TJP1: variants seen among roughly 807,000 people sequenced by gnomAD.
TJP1 encodes the protein tight junction protein 1.
A neutral mutation model predicts 194.2 loss-of-function variants in TJP1; 43 were observed. The observed-to-expected ratio is 0.22, with a 90% CI of 0.17 to 0.29. TJP1 has a LOEUF of 0.29. TJP1 is among the 10% of genes least tolerant of loss of function. TJP1 has a pLI of 1.00. For synonymous variants in TJP1, 801 were observed against 779.0 expected, an observed-to-expected ratio of 1.03 and a Z score of -0.47; for missense variants, 1,971 against 2,185.7, an observed-to-expected ratio of 0.90 and a Z score of 1.96.
intron 8 of TJP1, among the ~76,000 whole-genome samples, chr15:29,757,283 G>A (rs2045703177): frequency 6.6e-6 from 1 of 152,080 alleles, no homozygotes; most frequent in African/African-American, 2.4e-5. Context: ...AAGAGAACAG[G>A]GCAGGGCTGA....
chr15:29,912,242 C>G lies in TJP1; in HGVS notation c.306+43990G>C, dbSNP rs1596243343. ...ACGGCCTAATCACCTCCCAAAGGTC[C>G]TACCGCCTAATACCATGGCACCGGG... On this transcript the variant is annotated intron_variant, in intron 2 of 28. Transcript: ENST00000356107. Among the ~76,000 whole-genome samples, 3 of 152,220 alleles carry G rather than the reference C, an allele frequency of 2.0e-5. No individual in the cohort carries two copies. The East Asian group carries it at 5.8e-4, about 29-fold the overall frequency.
At chr15:29,732,334 G>T in intron 15 of TJP1, 99 bp downstream of exon 15, 1 of 1,087,714 alleles carries the variant, frequency 9.2e-7, no homozygotes, top group Non-Finnish European at 1.3e-6. Flanking sequence ...ATTTTTCACT[G>T]ACAAAAAGTC....
intron 2 of TJP1, among the ~76,000 whole-genome samples, chr15:29,856,411 C>T (rs1337570258): frequency 6.6e-6 from 1 of 152,032 alleles, no homozygotes; most frequent in Non-Finnish European, 1.5e-5. Context: ...ATCCGTGAGA[C>T]AGAAAGTAGA....
At chr15:29,782,234 A>G (rs924580967) in intron 2 of TJP1, among the ~76,000 whole-genome samples, 3 of 152,190 alleles carry the variant, frequency 2.0e-5, no homozygotes, top group African/African-American at 7.2e-5. Flanking sequence ...GAGCTCAAAA[A>G]GCCAAGACAA....
Position 29,716,643 on chromosome 15 carries a change from C to T in TJP1, c.4170G>A (p.Gln1390=). Residue 1390 remains glutamine, a synonymous_variant, in exon 23 of 28, where the codon CAG becomes CAA. Transcript: ENST00000614355. ...AATAACTAGAAAAATTTGATTGATT[C>T]TGAGAATGCGCTGGCTTTGCAGGCT... ...LSEPAKPAHS[Q]NQSNFSSYSS... is the part of the protein sequence containing the mutation. 2 of 1,613,410 alleles carry T rather than the reference C, an allele frequency of 1.2e-6. No homozygotes were observed. Among genetic ancestry groups the T allele is most frequent in the Non-Finnish European group, 1.7e-6 (2 of 1,179,518 alleles).
intron 2 of TJP1, among the ~76,000 whole-genome samples, chr15:29,798,994 T>A (rs1354288380): frequency 6.6e-6 from 1 of 152,220 alleles, no homozygotes; most frequent in East Asian, 1.9e-4. Flanking sequence ...TAAGTGGACG[T>A]GAGGGGACCG....
At chr15:29,893,482 AAG>A (rs2053379698) in intron 2 of TJP1, among the ~76,000 whole-genome samples, 1 of 152,180 alleles carries the variant, frequency 6.6e-6, no homozygotes. Flanking sequence ...TCTTTCATGA[AAG>A]AGAGTCCATC....
At chr15:29,848,527 C>T (rs1228794990) in intron 2 of TJP1, among the ~76,000 whole-genome samples, 1 of 152,118 alleles carries the variant, frequency 6.6e-6, no homozygotes, top group African/African-American at 2.4e-5. Context: ...AGGAAGTTGA[C>T]TAGAGACAAA....
At chr15:29,721,273 G>A (rs1360806446) in intron 18 of TJP1, among the ~76,000 whole-genome samples, 1 of 152,172 alleles carries the variant, frequency 6.6e-6, no homozygotes, top group East Asian at 1.9e-4. Context: ...GGTGGGAGGT[G>A]ACTGGATCAT....
intron 2 of TJP1, among the ~76,000 whole-genome samples, chr15:29,796,354 A>C (rs1274130195): frequency 6.6e-6 from 1 of 151,448 alleles, no homozygotes; most frequent in Non-Finnish European, 1.5e-5. Context: ...AAAAAAAACA[A>C]AAAAAAACCT....
At chr15:29,706,054 C>T (rs1450805313) in intron 25 of TJP1, among the ~76,000 whole-genome samples, 2 of 152,150 alleles carry the variant, frequency 1.3e-5, no homozygotes, top group Non-Finnish European at 2.9e-5. Flanking sequence ...GCCTCAGCCT[C>T]CCATGTAGCT....
chr15:29,724,349 AGCT>A (rs2043117702), intron 18 of TJP1, among the ~76,000 whole-genome samples: 1 of 152,212 alleles, frequency 6.6e-6, no homozygotes, highest in Admixed American at 6.5e-5. Context: ...ACTCGGTAAC[AGCT>A]GTTGCAGAAG....
chr15:29,797,123 T>C (rs2048463960), intron 2 of TJP1, among the ~76,000 whole-genome samples: 1 of 152,130 alleles, frequency 6.6e-6, no homozygotes, highest in South Asian at 2.1e-4. Flanking sequence ...AAGGCAAAAA[T>C]TAACAAACTG....
At chr15:29,949,992 C>CTT in intron 2 of TJP1, among the ~76,000 whole-genome samples, 1 of 66,104 alleles carries the variant, frequency 1.5e-5, no homozygotes, top group Non-Finnish European at 2.7e-5. Flanking sequence ...ACCACCTCCA[C>CTT]CACCACCACC....
At chr15:29,876,535 T>A (rs911045670) in intron 2 of TJP1, among the ~76,000 whole-genome samples, 40 of 147,002 alleles carry the variant, frequency 2.7e-4, no homozygotes, top group Non-Finnish European at 4.7e-4. Flanking sequence ...AAAAAAAAAA[T>A]ATGAGATTTT....
intron 5 of TJP1, among the ~76,000 whole-genome samples, chr15:29,764,306 G>C (rs1274524079): frequency 6.6e-6 from 1 of 152,122 alleles, no homozygotes; most frequent in Non-Finnish European, 1.5e-5. Context: ...TGGGGGAGGG[G>C]ATGCATGGGG....
intron 8 of TJP1, among the ~76,000 whole-genome samples, chr15:29,755,380 C>T (rs949228938): frequency 1.3e-5 from 2 of 152,230 alleles, no homozygotes; most frequent in Non-Finnish European, 2.9e-5. Context: ...TCTTGGAAAA[C>T]TCCTAATATG....
At chr15:29,819,194 TTTGA>T (rs1448768150) in intron 1 of TJP1, among the ~76,000 whole-genome samples, 2 of 152,228 alleles carry the variant, frequency 1.3e-5, no homozygotes, top group Admixed American at 6.5e-5. Context: ...TTAGATTTCC[TTTGA>T]TTTTTTTTAG....
rs551379069 is a variant in TJP1, at chr15:29,795,528, A to C, written c.84+5118T>G. 2.6e-5 allele frequency among the ~76,000 whole-genome samples: 4 copies of C among 152,194 alleles called. No homozygotes were observed. The East Asian group carries it at 7.7e-4, about 29-fold the overall frequency. ...ATAAAATTAAAGAAACTGAATTTGT[A>C]ATGAAAACCCTTCCCACAAAGAAAA... On this transcript the variant is annotated intron_variant, in intron 2 of 27. Transcript: ENST00000614355.
Sources: allele counts gnomAD v4.1 joint callset (sites outside exome capture counted in the v4.1 genomes callset), GRCh38; gene constraint gnomAD v4.1.1; transcripts MANE v1.5; gene names NCBI Gene and HGNC (gene_info 2026-07-23, HGNC 2026-07-21).